Variants in SDK1 observed in about 807,000 individuals in gnomAD.
The protein encoded by SDK1 is sidekick cell adhesion molecule 1, also known as protein sidekick-1.
SDK1 carries 157 observed loss-of-function variants against 245.5 expected under a neutral mutation model. That is an observed-to-expected ratio of 0.64 (90% CI 0.56 to 0.73). The LOEUF (loss-of-function observed/expected upper bound fraction) is 0.73. SDK1 is among the 30% of genes least tolerant of loss of function. SDK1 has a pLI of 0.00. For synonymous variants in SDK1, 1,647 were observed against 1,278.5 expected (o/e 1.29, Z -6.15); for missense variants, 3,583 against 3,002.3 (o/e 1.19, Z -4.52).
chr7:4,117,329 G>A (rs138707063), intron 25 of SDK1, among the ~76,000 whole-genome samples: 1 of 152,248 alleles, frequency 6.6e-6, no homozygotes, highest in East Asian at 1.9e-4. Flanking sequence ...TTAGCCAGGT[G>A]TGGTGGCATG....
chr7:4,054,544 AATC>A (rs1218609026), intron 19 of SDK1, among the ~76,000 whole-genome samples: 2 of 152,166 alleles, frequency 1.3e-5, no homozygotes, highest in Non-Finnish European at 2.9e-5. Context: ...AGGCCACAAA[AATC>A]ATCTGGGTTC....
intron 1 of SDK1, among the ~76,000 whole-genome samples, chr7:3,351,568 A>T (rs1780660948): frequency 6.6e-6 from 1 of 152,216 alleles, no homozygotes; most frequent in Non-Finnish European, 1.5e-5. Context: ...AAAAACAAAG[A>T]TACAGAAGGC....
At chr7:3,808,707 G>A (rs1329269137) in intron 4 of SDK1, among the ~76,000 whole-genome samples, 1 of 152,110 alleles carries the variant, frequency 6.6e-6, no homozygotes, top group East Asian at 1.9e-4. Flanking sequence ...ATGGCTGTTT[G>A]ACCATTTCCC....
chr7:3,302,372 TCCC>T (rs1231571674), intron 1 of SDK1: 1 of 151,202 alleles, frequency 6.6e-6, no homozygotes, highest in African/African-American at 2.4e-5. Flanking sequence ...TGCTCCTGAC[TCCC>T]CCAAGTCCCA....
intron 4 of SDK1, among the ~76,000 whole-genome samples, chr7:3,647,425 T>C (rs1782884800): frequency 6.6e-6 from 1 of 152,148 alleles, no homozygotes; most frequent in Non-Finnish European, 1.5e-5. Flanking sequence ...CAAGCTCTTT[T>C]CTGTTTTGAA....
intron 4 of SDK1, among the ~76,000 whole-genome samples, chr7:3,673,136 C>A (rs1474844661): frequency 1.3e-5 from 2 of 152,066 alleles, no homozygotes; most frequent in Admixed American, 1.3e-4. Context: ...CAGTGATGCA[C>A]CAAGCTTTTC....
chr7:3,344,219 G>A (rs2128555486), intron 1 of SDK1, among the ~76,000 whole-genome samples: 1 of 152,194 alleles, frequency 6.6e-6, no homozygotes, highest in East Asian at 1.9e-4. Flanking sequence ...CTCCCTACAT[G>A]TTCAATTTTA....
At chr7:3,821,084 G>C (rs1206797438) in intron 4 of SDK1, among the ~76,000 whole-genome samples, 2 of 152,196 alleles carry the variant, frequency 1.3e-5, no homozygotes, top group Admixed American at 6.5e-5. Context: ...TGGTGGTCCA[G>C]CCTTCTAATT....
rs553254812 is a variant in SDK1, at chr7:4,165,615, A to G, written c.4800+3759A>G. 9.9e-5 allele frequency among the ~76,000 whole-genome samples: 15 copies of G among 151,860 alleles called. No homozygotes were observed. In the East Asian group the frequency reaches 2.9e-3, roughly 30 times the overall value. On this transcript the variant is annotated intron_variant, in intron 32 of 44. Coordinates refer to ENST00000404826, the MANE Select transcript of SDK1 (RefSeq NM_152744.4). ...GGTGATTCTTCTGCCTCAGCCTTCTAAGTAGCTGGGATTACAGGCCTGCAC... is the reference window on the plus strand; with the variant it reads ...GGTGATTCTTCTGCCTCAGCCTTCTGAGTAGCTGGGATTACAGGCCTGCAC...
At chr7:3,804,795 AT>A (rs1779198789) in intron 4 of SDK1, among the ~76,000 whole-genome samples, 1 of 152,132 alleles carries the variant, frequency 6.6e-6, no homozygotes, top group African/African-American at 2.4e-5. Context: ...GTTCTCACCT[AT>A]TTCTGTTGAG....
At position 4,129,174 on chromosome 7, in the gene SDK1, A is replaced by G. The variant is rs1303861740; in HGVS notation, c.3940-734A>G. 2.9e-5 allele frequency among the ~76,000 whole-genome samples: 4 copies of G among 139,664 alleles called. No homozygotes were observed. In the East Asian group the frequency reaches 8.4e-4, roughly 29 times the overall value. 91.6% of individuals were successfully genotyped at this position (139,664 alleles called of 152,430 possible). On this transcript the variant is annotated intron_variant, in intron 26 of 44. Coordinates refer to ENST00000404826, the MANE Select transcript of SDK1 (RefSeq NM_152744.4). ...AGGGTTGGGTGCCCTGGAGGAGAGC[A>G]CCTTGGGGTAGGGTGCCCTGGAATA... is the stretch of plus-strand genomic sequence containing the variant.
chr7:4,141,839 C>T (rs1397480685), intron 28 of SDK1, among the ~76,000 whole-genome samples: 1 of 152,176 alleles, frequency 6.6e-6, no homozygotes, highest in African/African-American at 2.4e-5. Flanking sequence ...TCACTGCAAC[C>T]TCCGCCTCCC....
chr7:4,143,841 A>T lies in SDK1; in HGVS notation c.4229-1881A>T, dbSNP rs528869932. 1.5e-4 allele frequency among the ~76,000 whole-genome samples: 23 copies of T among 152,216 alleles called. No individual in the cohort carries two copies. The South Asian group carries it at 4.6e-3, about 30-fold the overall frequency. On this transcript the variant is annotated intron_variant, in intron 28 of 44. Transcript: ENST00000404826. ...CTTGGAGCTTCACAGCCTCGTCCTC[A>T]TCCTTGTCTTGTATGCTTCCTGACA... is the stretch of plus-strand genomic sequence containing the variant.
chr7:3,728,005 T>G (rs1402759473), intron 4 of SDK1, among the ~76,000 whole-genome samples: 1 of 152,216 alleles, frequency 6.6e-6, no homozygotes, highest in Non-Finnish European at 1.5e-5. Context: ...CTTGACAGTT[T>G]GAAGGGGCAC....
intron 1 of SDK1, among the ~76,000 whole-genome samples, chr7:3,590,285 C>T (rs1002306618): frequency 1.7e-4 from 25 of 146,176 alleles, no homozygotes; most frequent in Admixed American, 5.5e-4. Flanking sequence ...TCAACTTTCA[C>T]CTCCTTTCCT....
intron 14 of SDK1, among the ~76,000 whole-genome samples, chr7:3,995,488 C>A (rs1188392855): frequency 1.3e-5 from 2 of 152,214 alleles, no homozygotes; most frequent in African/African-American, 4.8e-5. Context: ...CCCAACACCT[C>A]CCTCCTGAGT....
chr7:4,070,555 A>G (rs1053749515), intron 20 of SDK1, among the ~76,000 whole-genome samples: 1 of 151,960 alleles, frequency 6.6e-6, no homozygotes, highest in Non-Finnish European at 1.5e-5. Flanking sequence ...CTCTTTCTAC[A>G]CAGAACTCCA....
intron 20 of SDK1, among the ~76,000 whole-genome samples, chr7:4,068,572 G>C (rs1343029245): frequency 6.6e-6 from 1 of 152,002 alleles, no homozygotes; most frequent in African/African-American, 2.4e-5. Context: ...AGGAGACTGT[G>C]AGGCAGGTAC....
intron 17 of SDK1, among the ~76,000 whole-genome samples, chr7:4,048,164 T>C (rs1789157966): frequency 6.6e-6 from 1 of 152,132 alleles, no homozygotes; most frequent in Non-Finnish European, 1.5e-5. Context: ...ATCCCGTGTG[T>C]TCCGGCCGAG....
Sources: gnomAD v4.1 joint callset for allele counts (sites outside exome capture counted in the v4.1 genomes callset) on GRCh38, gnomAD v4.1.1 for gene constraint, MANE v1.5 for transcripts, NCBI Gene and HGNC (gene_info 2026-07-23, HGNC 2026-07-21) for gene names.